Variants in SPIDR observed in about 807,000 individuals in gnomAD.
The protein encoded by SPIDR is scaffold protein involved in DNA repair.
Under a neutral mutation model 104.6 loss-of-function variants are expected in SPIDR, and 93 were observed. That is an observed-to-expected ratio of 0.89 (90% CI 0.75 to 1.06). SPIDR has a LOEUF of 1.06. Ranked by LOEUF, SPIDR falls within the 50% of genes least tolerant of loss-of-function variation. The probability of loss-of-function intolerance (pLI) is 0.00; values close to 1 mark genes in which losing one functional copy is unlikely to be tolerated. For missense variants in SPIDR, 1,154 were observed against 1,111.2 expected (o/e 1.04, Z -0.55); for synonymous variants, 431 against 416.9 (o/e 1.03, Z -0.41).
intron 5 of SPIDR, among the ~76,000 whole-genome samples, chr8:47,322,531 G>A (rs1404363866): frequency 3.3e-5 from 5 of 152,302 alleles, no homozygotes; most frequent in Middle Eastern, 3.4e-3. Flanking sequence ...TCAGTGTGGC[G>A]ATTCCTCAGG....
At chr8:47,688,014 AAAGT>A in intron 11 of SPIDR, among the ~76,000 whole-genome samples, 1 of 68,662 alleles carries the variant, frequency 1.5e-5, no homozygotes. Context: ...TCAAAAAAAA[AAAGT>A]GTGTGTGTGT....
intron 7 of SPIDR, chr8:47,419,373 C>T (rs2064989531): frequency 6.6e-6 from 1 of 152,158 alleles, no homozygotes; most frequent in African/African-American, 2.4e-5. Flanking sequence ...AGGAATTTAT[C>T]CATTTCTTCT....
chr8:47,500,664 G>A lies in SPIDR; in HGVS notation c.1097+60122G>A, dbSNP rs554992540. ...TAGTTTAATTGAATCCCATTTGTCA[G>A]TTTTGGCTTTTGTTGCCATTGCTTT... On this transcript the variant is annotated intron_variant, in intron 8 of 19. Coordinates refer to ENST00000297423, the MANE Select transcript of SPIDR (RefSeq NM_001080394.4). Among the ~76,000 whole-genome samples the A allele has an allele frequency of 6.6e-5, 10 of 152,230 alleles. No individual in the cohort carries two copies. The South Asian group carries it at 8.3e-4, about 13-fold the overall frequency.
intron 5 of SPIDR, among the ~76,000 whole-genome samples, chr8:47,312,369 T>A (rs1272097595): frequency 2.6e-5 from 4 of 152,198 alleles, no homozygotes; most frequent in African/African-American, 9.7e-5. Flanking sequence ...CTCCACATCC[T>A]CTCCAGCACC....
chr8:47,374,747 A>C (rs906001690), intron 5 of SPIDR, among the ~76,000 whole-genome samples: 1 of 152,192 alleles, frequency 6.6e-6, no homozygotes, highest in Non-Finnish European at 1.5e-5. Flanking sequence ...TTCTGTTTCA[A>C]GAATGTGATT....
chr8:47,562,963 A>G (rs1256621610), intron 8 of SPIDR, among the ~76,000 whole-genome samples: 4 of 151,314 alleles, frequency 2.6e-5, no homozygotes, highest in East Asian at 3.9e-4. Flanking sequence ...ATGTATGACA[A>G]TTTTTTTTGG....
intron 10 of SPIDR, among the ~76,000 whole-genome samples, chr8:47,615,167 C>T (rs1588415754): frequency 6.6e-6 from 1 of 151,908 alleles, no homozygotes. Context: ...AACTCTTGGA[C>T]TCAGGCGAGC....
chr8:47,436,778 T>G (rs1311972727), intron 7 of SPIDR, among the ~76,000 whole-genome samples: 1 of 152,188 alleles, frequency 6.6e-6, no homozygotes, highest in African/African-American at 2.4e-5. Flanking sequence ...AAGTCGTCCC[T>G]TGCTTTTTTC....
At chr8:47,399,568 G>A (rs1426080702) in intron 6 of SPIDR, among the ~76,000 whole-genome samples, 1 of 152,204 alleles carries the variant, frequency 6.6e-6, no homozygotes, top group African/African-American at 2.4e-5. Context: ...CTGGAGAAGG[G>A]CTCCAGGGCT....
chr8:47,304,223 A>T (rs1337589223), intron 5 of SPIDR, among the ~76,000 whole-genome samples: 1 of 152,018 alleles, frequency 6.6e-6, no homozygotes. Context: ...CCCAAATCTC[A>T]TGTTGAATTG....
At chr8:47,350,302 C>T (rs1383334845) in intron 5 of SPIDR, among the ~76,000 whole-genome samples, 1 of 152,134 alleles carries the variant, frequency 6.6e-6, no homozygotes, top group African/African-American at 2.4e-5. Flanking sequence ...TGAAAGATGA[C>T]ACTTGTTATA....
In SPIDR at chr8:47,363,199, C is replaced by CTTTT. The variant is rs34705214; in HGVS notation, c.526-33156_526-33153dup. Among the ~76,000 whole-genome samples, 440 of 79,704 alleles carry CTTTT rather than the reference C, an allele frequency of 5.5e-3. 1 individual carries two copies. The highest frequency in any genetic ancestry group is 0.012 in the Middle Eastern group (1 of 84). The allele number at this position is 79,704 out of a possible 152,430, so 52.3% of individuals were successfully genotyped here. A position where few individuals can be genotyped will look rare whatever the true frequency, so the allele number is the denominator to read the frequency against. ...TAAAGCTGTTTTTTTCTTTATCTCT[C>CTTTT]TTTTTTTTTTTTTTTTTTTTTTTTG... On this transcript the variant is annotated intron_variant, in intron 5 of 19. Transcript: ENST00000297423.
chr8:47,538,743 T>G (rs1236918194), intron 8 of SPIDR, among the ~76,000 whole-genome samples: 1 of 152,094 alleles, frequency 6.6e-6, no homozygotes, highest in Admixed American at 6.5e-5. Flanking sequence ...AAAAGGAAAT[T>G]TATATAAATT....
At chr8:47,653,487 T>G (rs576861545) in intron 10 of SPIDR, among the ~76,000 whole-genome samples, 1 of 136,090 alleles carries the variant, frequency 7.3e-6, no homozygotes, top group Admixed American at 7.2e-5. Flanking sequence ...TGTAGATCCC[T>G]CCTTCCTCGC....
chr8:47,674,207 T>C (rs920493235), intron 11 of SPIDR, among the ~76,000 whole-genome samples: 1 of 152,226 alleles, frequency 6.6e-6, no homozygotes, highest in Non-Finnish European at 1.5e-5. Flanking sequence ...CTTTTAATTA[T>C]GAAAATCTGT....
At chr8:47,349,682 G>A (rs995098379) in intron 5 of SPIDR, among the ~76,000 whole-genome samples, 5 of 152,212 alleles carry the variant, frequency 3.3e-5, no homozygotes, top group African/African-American at 1.2e-4. Flanking sequence ...AATGGCAGTC[G>A]CACCTCCCCC....
intron 8 of SPIDR, among the ~76,000 whole-genome samples, chr8:47,500,045 A>T (rs996558150): frequency 1.3e-5 from 2 of 152,106 alleles, no homozygotes; most frequent in Admixed American, 6.6e-5. Context: ...TCTATCATTG[A>T]TGGACGTTTG....
At chr8:47,378,568 A>G (rs534198302) in intron 5 of SPIDR, among the ~76,000 whole-genome samples, 1 of 152,326 alleles carries the variant, frequency 6.6e-6, no homozygotes, top group Non-Finnish European at 1.5e-5. Flanking sequence ...TGTGTATAAG[A>G]TACTGTGTGG....
intron 5 of SPIDR, among the ~76,000 whole-genome samples, chr8:47,312,454 A>C (rs1351805872): frequency 6.6e-6 from 1 of 152,056 alleles, no homozygotes; most frequent in African/African-American, 2.4e-5. Flanking sequence ...TTTGATTTGC[A>C]TTTCTCTGAT....
Sources: allele counts gnomAD v4.1 joint callset (sites outside exome capture counted in the v4.1 genomes callset), GRCh38; gene constraint gnomAD v4.1.1; transcripts MANE v1.5; gene names NCBI Gene and HGNC (gene_info 2026-07-23, HGNC 2026-07-21).